WNT11: variants seen among roughly 807,000 people sequenced by gnomAD.
WNT11 encodes the protein protein Wnt-11.
A neutral mutation model predicts 35.6 loss-of-function variants in WNT11; 20 were observed. The ratio of observed to expected loss-of-function variants is 0.56; its 90% CI spans 0.40 to 0.82. The LOEUF is 0.82. WNT11 is among the 40% of genes least tolerant of loss of function. The probability of loss-of-function intolerance (pLI) is 0.00; values close to 1 mark genes in which losing one functional copy is unlikely to be tolerated. For missense variants in WNT11, 459 were observed against 504.4 expected (o/e 0.91, Z 0.86); for synonymous variants, 200 against 211.9 (o/e 0.94, Z 0.49).
intron 4 of WNT11, among the ~76,000 whole-genome samples, chr11:76,189,922 G>A (rs929648705): frequency 5.9e-5 from 9 of 152,198 alleles, no homozygotes; most frequent in South Asian, 2.1e-4. Flanking sequence ...GGGAAGGACC[G>A]GGAGCCGCAA....
At chr11:76,205,217 T>C (rs1314805099) in intron 1 of WNT11, among the ~76,000 whole-genome samples, 1 of 152,168 alleles carries the variant, frequency 6.6e-6, no homozygotes. Context: ...CCAGACTGTT[T>C]GCTGGCGGCG....
Position 76,206,390 on chromosome 11 carries a change from C to A in WNT11, c.18G>T (p.Gln6His). 1.9e-6 allele frequency: 3 copies of A among 1,541,802 alleles called. No individual in the cohort carries two copies. Among genetic ancestry groups the A allele is most frequent in the Non-Finnish European group, 2.6e-6 (3 of 1,150,030 alleles). Residue 6 changes from glutamine to histidine, a missense_variant, in exon 1 of 5, where the codon CAG (glutamine) becomes CAT (histidine). Gln to His is a conservative substitution (Grantham distance 24, BLOSUM62 0). Coordinates refer to ENST00000322563, the MANE Select transcript of WNT11 (RefSeq NM_004626.3). ...GGGCGAAGAGCAGCGCCTCGCAGAC[C>A]TGCGGCCGCGCCCTCATCGTCGCGC... Reference protein sequence around the residue: MRARPQVCEALLFALA... With the variant: MRARPHVCEALLFALA...
At chr11:76,200,855 C>T (rs1417203329) in intron 1 of WNT11, among the ~76,000 whole-genome samples, 4 of 152,268 alleles carry the variant, frequency 2.6e-5, no homozygotes, top group African/African-American at 7.2e-5. Flanking sequence ...GGCCTAGCAG[C>T]AGGCTCATGG....
At chr11:76,199,132 C>CA (rs1021069851) in intron 1 of WNT11, among the ~76,000 whole-genome samples, 2 of 150,956 alleles carry the variant, frequency 1.3e-5, no homozygotes, top group Non-Finnish European at 3.0e-5. Context: ...GACTCTGTCT[C>CA]AAAAAAATAA....
chr11:76,208,871 C>T (rs181704836), upstream of WNT11, among the ~76,000 whole-genome samples: 187 of 152,320 alleles, frequency 1.2e-3, 1 homozygote, highest in African/African-American at 4.2e-3. Flanking sequence ...CTTGTACGAG[C>T]GCCCGGGACA....
chr11:76,207,936 C>T (rs965297375), upstream of WNT11, among the ~76,000 whole-genome samples: 23 of 152,246 alleles, frequency 1.5e-4, no homozygotes, highest in South Asian at 2.1e-4. Context: ...GCCCCTCTCC[C>T]CTCGGGAGGA....
At chr11:76,203,646 G>A (rs939171717) in intron 1 of WNT11, among the ~76,000 whole-genome samples, 4 of 152,208 alleles carry the variant, frequency 2.6e-5, no homozygotes, top group Non-Finnish European at 4.4e-5. Flanking sequence ...TCTATGGGCA[G>A]CCAGGTTCTG....
At chr11:76,203,739 A>G (rs775861721) in intron 1 of WNT11, among the ~76,000 whole-genome samples, 4 of 152,326 alleles carry the variant, frequency 2.6e-5, no homozygotes, top group Non-Finnish European at 1.5e-5. Context: ...CCACTGGGCC[A>G]TGTTGGCTTT....
intron 4 of WNT11, among the ~76,000 whole-genome samples, chr11:76,187,497 C>A (rs1953115659): frequency 6.6e-6 from 1 of 152,156 alleles, no homozygotes; most frequent in Non-Finnish European, 1.5e-5. Context: ...GGGTCTCACT[C>A]TGTTGCCCAG....
intron 1 of WNT11, among the ~76,000 whole-genome samples, chr11:76,199,412 C>G (rs1009597171): frequency 3.3e-5 from 5 of 151,128 alleles, no homozygotes; most frequent in Non-Finnish European, 7.4e-5. Flanking sequence ...TTTGAGGTTA[C>G]AGTGAACTAT....
chr11:76,192,337 G>A (rs901284794), intron 3 of WNT11, among the ~76,000 whole-genome samples: 1 of 152,158 alleles, frequency 6.6e-6, no homozygotes, highest in Non-Finnish European at 1.5e-5. Flanking sequence ...CTAAATGCTT[G>A]CTGGAAAAAA....
chr11:76,191,130 C>A (rs1414603429), intron 4 of WNT11, among the ~76,000 whole-genome samples: 1 of 152,220 alleles, frequency 6.6e-6, no homozygotes, highest in African/African-American at 2.4e-5. Context: ...CCCATCTCCC[C>A]TGGCACCTCA....
intron 1 of WNT11, 103 bp from the exon 2 acceptor site, chr11:76,196,821 G>C: frequency 7.7e-7 from 1 of 1,301,214 alleles, no homozygotes; most frequent in Non-Finnish European, 1.0e-6. Flanking sequence ...TCCCTCAATG[G>C]ACTTTGCCTC....
At chr11:76,189,881 A>G (rs911150431) in intron 4 of WNT11, among the ~76,000 whole-genome samples, 1 of 152,228 alleles carries the variant, frequency 6.6e-6, no homozygotes, top group African/African-American at 2.4e-5. Context: ...GCAAAAGCCA[A>G]CTAATACAGA....
At chr11:76,189,985 A>G (rs1953157643) in intron 4 of WNT11, among the ~76,000 whole-genome samples, 1 of 148,860 alleles carries the variant, frequency 6.7e-6, no homozygotes. Flanking sequence ...AGTGGTGCTG[A>G]GGGCGGGGCC....
At chr11:76,206,299 C>A (rs1248564372) in intron 1 of WNT11, 26 bp downstream of exon 1, 5 of 1,507,478 alleles carry the variant, frequency 3.3e-6, no homozygotes, top group Non-Finnish European at 4.4e-6. Flanking sequence ...CTGGCCTGTG[C>A]GCGTGGACGC....
chr11:76,188,159 G>C (rs1343120103), intron 4 of WNT11, among the ~76,000 whole-genome samples: 1 of 152,230 alleles, frequency 6.6e-6, no homozygotes, highest in Non-Finnish European at 1.5e-5. Flanking sequence ...GAGGAATAGG[G>C]GTCTGTTGGC....
At position 76,194,970 on chromosome 11, in the gene WNT11, G is replaced by A. The variant is rs1434416759; in HGVS notation, c.320-126C>T. 5 of 1,207,518 alleles carry A rather than the reference G, an allele frequency of 4.1e-6. No homozygotes were observed. In the East Asian group the frequency reaches 7.8e-5, roughly 19 times the overall value. The allele number at this position is 1,207,518 out of a possible 1,614,324, so 74.8% of individuals were successfully genotyped here. On this transcript the variant is annotated intron_variant, in intron 2 of 4. Transcript: ENST00000322563. This position sits in a 1 kb window ranked among gnomAD's most constrained non-coding sequence, Gnocchi z 5.4. ...GTGACGCCAGCAGGGGTCGGCACTA[G>A]GGCCATTGAGATGTCACCCCTGCTT...
upstream of WNT11, among the ~76,000 whole-genome samples, chr11:76,210,052 C>G (rs1953538917): frequency 6.6e-6 from 1 of 151,370 alleles, no homozygotes; most frequent in Non-Finnish European, 1.5e-5. Context: ...CCTTTCCCCC[C>G]GCCCACCACA....
Sources: gnomAD v4.1 joint callset for allele counts (sites outside exome capture counted in the v4.1 genomes callset) on GRCh38, gnomAD v4.1.1 for gene constraint, Gnocchi (gnomAD v3.1) non-coding constraint, MANE v1.5 for transcripts, NCBI Gene and HGNC (gene_info 2026-07-23, HGNC 2026-07-21) for gene names.